KIAA0319: variants seen among roughly 807,000 people sequenced by gnomAD.
The protein encoded by KIAA0319 is dyslexia-associated protein KIAA0319.
KIAA0319 carries 83 observed loss-of-function variants against 108.4 expected under a neutral mutation model. The observed-to-expected ratio is 0.77, with a 90% CI of 0.64 to 0.92. The LOEUF is 0.92. Ranked by LOEUF, KIAA0319 falls within the 40% of genes least tolerant of loss-of-function variation. The pLI, the probability that KIAA0319 is intolerant of heterozygous loss-of-function variation, is 0.00. For missense variants in KIAA0319, 1,195 were observed against 1,322.4 expected (o/e 0.90, Z 1.49); for synonymous variants, 484 against 510.4 (o/e 0.95, Z 0.70).
chr6:24,631,247 C>T (rs560223118), intron 1 of KIAA0319, among the ~76,000 whole-genome samples: 5 of 152,352 alleles, frequency 3.3e-5, no homozygotes, highest in Admixed American at 6.5e-5. Context: ...AACCTGTCTT[C>T]GCCAAGGCAG....
Position 24,546,196 on chromosome 6 carries a change from C to T in KIAA0319, c.*969G>A, listed in dbSNP as rs1030564319. ...TATTTTGGAAAGTACCTGTCGGGGA[C>T]CAGAGTATCATAACCACGCCATCCA... On this transcript the variant is annotated 3_prime_UTR_variant, in exon 21 of 21. Coordinates refer to ENST00000378214, the MANE Select transcript of KIAA0319 (RefSeq NM_014809.4). 8.6e-5 allele frequency: 13 copies of T among 151,976 alleles called. No homozygotes were observed. Among genetic ancestry groups the T allele is most frequent in the Non-Finnish European group, 1.5e-4 (10 of 68,004 alleles). The allele number at this position is 151,976 out of a possible 1,614,324, so 9.4% of individuals were successfully genotyped here. A position where few individuals can be genotyped will look rare whatever the true frequency, so the allele number is the denominator to read the frequency against.
chr6:24,563,601 T>C (rs2127444107), intron 15 of KIAA0319, 83 bp from the exon 16 acceptor site: 2 of 1,257,996 alleles, frequency 1.6e-6, no homozygotes, highest in African/African-American at 1.5e-5. Flanking sequence ...CTATAGGAGC[T>C]CAAAGTTACT....
At chr6:24,606,039 G>A (rs1041161802) in intron 1 of KIAA0319, among the ~76,000 whole-genome samples, 11 of 151,902 alleles carry the variant, frequency 7.2e-5, no homozygotes, top group African/African-American at 2.7e-4. Flanking sequence ...GGGTTCAAGC[G>A]ATTTCCTGCC....
intron 1 of KIAA0319, among the ~76,000 whole-genome samples, chr6:24,630,696 T>C (rs1216040848): frequency 2.2e-4 from 16 of 71,378 alleles, no homozygotes; most frequent in Admixed American, 1.4e-3. Context: ...TATATATATA[T>C]ATATATACAC....
Position 24,599,603 on chromosome 6 carries a change from T to C in KIAA0319, c.55+1446A>G, listed in dbSNP as rs1183281198. 3 of 623,644 alleles carry C rather than the reference T, an allele frequency of 4.8e-6. No homozygotes were observed. The African/African-American group carries it at 5.4e-5, about 11-fold the overall frequency. The allele number at this position is 623,644 out of a possible 1,614,324, so 38.6% of individuals were successfully genotyped here. A position where few individuals can be genotyped will look rare whatever the true frequency, so the allele number is the denominator to read the frequency against. On this transcript the variant is annotated intron_variant, in intron 2 of 20. Coordinates refer to ENST00000378214, the MANE Select transcript of KIAA0319 (RefSeq NM_014809.4). The surrounding 1 kb of genome is among the most constrained non-coding windows in gnomAD (Gnocchi z 4.1). ...TGAATATCCATACAAAGACCACCAG[T>C]GGCTACTCAGGTGAGCTGAGCTCAG...
At chr6:24,622,045 G>A (rs1374436935) in intron 1 of KIAA0319, among the ~76,000 whole-genome samples, 1 of 152,192 alleles carries the variant, frequency 6.6e-6, no homozygotes, top group Non-Finnish European at 1.5e-5. Flanking sequence ...CGAATGCACA[G>A]CTCTGCCCTG....
intron 2 of KIAA0319, 109 bp downstream of exon 2, chr6:24,600,940 T>C: frequency 1.4e-6 from 2 of 1,408,200 alleles, no homozygotes; most frequent in Non-Finnish European, 1.0e-6. Context: ...AAAATAATTC[T>C]ATTGAAAAGC....
rs1343317260 is a variant in KIAA0319 at position 24,634,641 on chromosome 6, G to A, written c.-106+11095C>T. Among the ~76,000 whole-genome samples the A allele has an allele frequency of 5.9e-5, 9 of 152,194 alleles. 1 individual carries two copies. The highest frequency in any genetic ancestry group is 5.9e-4 in the Admixed American group (9 of 15,292). On this transcript the variant is annotated intron_variant, in intron 1 of 20. Coordinates refer to ENST00000378214, the MANE Select transcript of KIAA0319 (RefSeq NM_014809.4). ...TATAGTAGATAGCAAAAGGGATTTTGCAGATATAATTAAGGTTACTAAACA... is the reference window on the plus strand; with the variant it reads ...TATAGTAGATAGCAAAAGGGATTTTACAGATATAATTAAGGTTACTAAACA...
Position 24,545,094 on chromosome 6 carries a change from G to C in KIAA0319, c.*2071C>G, listed in dbSNP as rs1760465015. 6.6e-6 allele frequency: 1 copy of C among 152,144 alleles called. No individual in the cohort carries two copies. The highest frequency in any genetic ancestry group is 2.4e-5 in the African/African-American group (1 of 41,410). 9.4% of individuals were successfully genotyped at this position (152,144 alleles called of 1,614,324 possible). ...TTAAAAGAAATTCCTCTTAGTCCTGGGAATAGAACTTTCAGGTGGCCCAAA... is the reference window on the plus strand; with the variant it reads ...TTAAAAGAAATTCCTCTTAGTCCTGCGAATAGAACTTTCAGGTGGCCCAAA... On this transcript the variant is annotated 3_prime_UTR_variant, in exon 21 of 21. Coordinates refer to ENST00000378214, the MANE Select transcript of KIAA0319 (RefSeq NM_014809.4).
chr6:24,597,871 T>A (rs1234693878), intron 2 of KIAA0319: 2 of 135,986 alleles, frequency 1.5e-5, no homozygotes, highest in East Asian at 4.1e-4. Context: ...TGAGCCATGA[T>A]GGCACCACTG....
At chr6:24,604,941 A>C (rs1289154428) in intron 1 of KIAA0319, among the ~76,000 whole-genome samples, 1 of 152,128 alleles carries the variant, frequency 6.6e-6, no homozygotes, top group Non-Finnish European at 1.5e-5. Flanking sequence ...CCCGGGTTCA[A>C]GCGATTCTCC....
intron 1 of KIAA0319, among the ~76,000 whole-genome samples, chr6:24,625,488 C>T (rs1322905970): frequency 6.6e-6 from 1 of 152,024 alleles, no homozygotes; most frequent in East Asian, 1.9e-4. Context: ...ATTGTGAAAG[C>T]CTGAAAAGCT....
At chr6:24,558,919 G>A in intron 17 of KIAA0319, 94 bp downstream of exon 17, 1 of 1,247,696 alleles carries the variant, frequency 8.0e-7, no homozygotes, top group South Asian at 1.6e-5. Flanking sequence ...ATGCTAAAGT[G>A]AAAATGTTCA....
chr6:24,588,620 T>A lies in KIAA0319; in HGVS notation c.967A>T (p.Ile323Leu). 6.2e-7 allele frequency: 1 copy of A among 1,613,898 alleles called. No homozygotes were observed. The highest frequency in any genetic ancestry group is 1.7e-5 in the Admixed American group (1 of 59,994). ...GTCCTGGGAGCAGTGGTAGGAGATATGGGTAGCTCAGATGGGGTGGACTCA... is the reference window on the plus strand; with the variant it reads ...GTCCTGGGAGCAGTGGTAGGAGATAAGGGTAGCTCAGATGGGGTGGACTCA... Reference protein sequence around the residue: ...PSESTPSELPISPTTAPRTVK... With the variant: ...PSESTPSELPLSPTTAPRTVK... Residue 323 changes from isoleucine to leucine, a missense_variant, in exon 4 of 21, where the codon ATA (isoleucine) becomes TTA (leucine). Ile to Leu is a conservative substitution (Grantham distance 5, BLOSUM62 2). Coordinates refer to ENST00000378214, the MANE Select transcript of KIAA0319 (RefSeq NM_014809.4).
chr6:24,639,470 A>G (rs114820891), intron 1 of KIAA0319, among the ~76,000 whole-genome samples: 2,100 of 152,338 alleles, frequency 0.014, 21 homozygotes, highest in Non-Finnish European at 0.02. Flanking sequence ...TAAGATAAAG[A>G]CTGAGTTTAC....
intron 3 of KIAA0319, among the ~76,000 whole-genome samples, chr6:24,590,426 T>C (rs1288955827): frequency 6.6e-6 from 1 of 152,202 alleles, no homozygotes; most frequent in Non-Finnish European, 1.5e-5. Flanking sequence ...TTTGATTTAA[T>C]TGAATTTTCA....
At chr6:24,580,757 GA>G (rs66935018) in intron 7 of KIAA0319, among the ~76,000 whole-genome samples, 168 bp downstream of exon 7, 4 of 150,744 alleles carry the variant, frequency 2.7e-5, no homozygotes, top group South Asian at 2.1e-4. Context: ...GCGAAAGGTA[GA>G]AAAAAAAACC....
chr6:24,578,320 A>G, intron 8 of KIAA0319, 78 bp from the exon 9 acceptor site: 1 of 1,013,122 alleles, frequency 9.9e-7, no homozygotes, highest in Non-Finnish European at 1.4e-6. Context: ...ATTATTGCAT[A>G]TTTAAATTCA....
intron 10 of KIAA0319, among the ~76,000 whole-genome samples, chr6:24,573,864 C>T (rs1463837374): frequency 1.3e-5 from 2 of 151,984 alleles, no homozygotes; most frequent in African/African-American, 2.4e-5. Flanking sequence ...TGCCTGTAAC[C>T]CCAGCACTTT....
Sources: allele counts gnomAD v4.1 joint callset (sites outside exome capture counted in the v4.1 genomes callset), GRCh38; gene constraint gnomAD v4.1.1; non-coding constraint Gnocchi (gnomAD v3.1); transcripts MANE v1.5; gene names NCBI Gene and HGNC (gene_info 2026-07-23, HGNC 2026-07-21).